Variants in TOP6BL observed in about 807,000 individuals in gnomAD.
TOP6BL encodes the protein type 2 DNA topoisomerase 6 subunit B-like.
chr11:66,744,819 G>GGGCGGC, the TOP6BL span: 147,574 of 1,221,768 alleles, frequency 0.12, 6,888 homozygotes, highest in Admixed American at 0.3. Context: ...GCTGAGGAGG[G>GGGCGGC]GGCGGCGGCG....
At chr11:66,826,669 TTTTTTTA>T in the TOP6BL span, among the ~76,000 whole-genome samples, 1 of 151,992 alleles carries the variant, frequency 6.6e-6, no homozygotes, top group East Asian at 1.9e-4. Context: ...TCACTTCTTT[TTTTTTTA>T]TTTTTTATTT....
the TOP6BL span, among the ~76,000 whole-genome samples, chr11:66,798,817 G>C: frequency 2.0e-5 from 3 of 152,070 alleles, no homozygotes; most frequent in Non-Finnish European, 4.4e-5. Context: ...GCTCACGCTT[G>C]TATCCTAGCA....
chr11:66,762,749 G>A, the TOP6BL span, among the ~76,000 whole-genome samples: 6 of 152,270 alleles, frequency 3.9e-5, no homozygotes, highest in South Asian at 6.2e-4. Flanking sequence ...GATTACAGGC[G>A]TGAGCCACCG....
chr11:66,825,726 CAAAG>C, the TOP6BL span, among the ~76,000 whole-genome samples: 1 of 152,244 alleles, frequency 6.6e-6, no homozygotes, highest in Admixed American at 6.5e-5. Context: ...AAGACAGTGT[CAAAG>C]TGCATAGCAT....
the TOP6BL span, among the ~76,000 whole-genome samples, chr11:66,810,130 T>C: frequency 6.6e-6 from 1 of 152,142 alleles, no homozygotes; most frequent in African/African-American, 2.4e-5. Flanking sequence ...CAGTGTTAGC[T>C]AGAAGAAAGT....
chr11:66,839,026 C>CGGCCAAGA, the TOP6BL span: 1 of 422,926 alleles, frequency 2.4e-6, no homozygotes, highest in African/African-American at 2.0e-5. Context: ...CCACCGCGCC[C>CGGCCAAGA]GGCCTGGCAC....
At chr11:66,822,039 C>T in the TOP6BL span, among the ~76,000 whole-genome samples, 1 of 152,182 alleles carries the variant, frequency 6.6e-6, no homozygotes, top group Non-Finnish European at 1.5e-5. Context: ...TAACACACCT[C>T]TTCCTTATGC....
At chr11:66,747,104 T>C in the TOP6BL span, among the ~76,000 whole-genome samples, 1 of 151,798 alleles carries the variant, frequency 6.6e-6, no homozygotes, top group South Asian at 2.1e-4. Flanking sequence ...ACCCGGCTAA[T>C]TTTTGTATTT....
At chr11:66,822,620 T>A in the TOP6BL span, 1 of 1,553,220 alleles carries the variant, frequency 6.4e-7, no homozygotes, top group Non-Finnish European at 8.7e-7. Flanking sequence ...TCATGAGTAT[T>A]CTGACTGGAA....
chr11:66,760,229 T>TGCTTGATCCAGTAGAACTTTTTGG, the TOP6BL span, among the ~76,000 whole-genome samples: 10 of 150,520 alleles, frequency 6.6e-5, no homozygotes, highest in South Asian at 2.1e-4. Context: ...GCAGGCAGAT[T>TGCTTGATCCAGTAGAACTTTTTGG]ACCTAGGTCA....
At chr11:66,777,237 G>A in the TOP6BL span, among the ~76,000 whole-genome samples, 1 of 151,520 alleles carries the variant, frequency 6.6e-6, no homozygotes, top group Admixed American at 6.6e-5. Context: ...TCATAAATTA[G>A]CCATTTTTCT....
chr11:66,780,901 G>C, the TOP6BL span, among the ~76,000 whole-genome samples: 1 of 152,102 alleles, frequency 6.6e-6, no homozygotes, highest in Non-Finnish European at 1.5e-5. Flanking sequence ...ATTGTTTATG[G>C]TAAGAAGTCA....
chr11:66,755,887 T>TA, the TOP6BL span, among the ~76,000 whole-genome samples: 1 of 152,182 alleles, frequency 6.6e-6, no homozygotes, highest in Non-Finnish European at 1.5e-5. Context: ...ATGGCCTTCT[T>TA]ATAAGTACAC....
chr11:66,816,248 G>C, the TOP6BL span: 5 of 1,553,520 alleles, frequency 3.2e-6, no homozygotes, highest in Non-Finnish European at 4.4e-6. Context: ...CAAATGCTAA[G>C]AGAGAGGGAA....
At chr11:66,804,166 G>A in the TOP6BL span, 21 of 1,610,886 alleles carry the variant, frequency 1.3e-5, no homozygotes, top group Non-Finnish European at 1.8e-5. Context: ...CTTCCAACCA[G>A]CTTAACAGGA....
chr11:66,821,961 C>G, the TOP6BL span, among the ~76,000 whole-genome samples: 4 of 152,162 alleles, frequency 2.6e-5, no homozygotes, highest in African/African-American at 9.7e-5. Context: ...AACCAGCTTG[C>G]TTAGTCTTAC....
chr11:66,806,841 C>G, the TOP6BL span, among the ~76,000 whole-genome samples: 2 of 152,086 alleles, frequency 1.3e-5, no homozygotes, highest in Admixed American at 1.3e-4. Context: ...CAAAAGATAC[C>G]ATAGTATCTT....
chr11:66,822,349 A>T, the TOP6BL span, among the ~76,000 whole-genome samples: 1 of 152,182 alleles, frequency 6.6e-6, no homozygotes, highest in African/African-American at 2.4e-5. Context: ...TGTGTCAGTA[A>T]GTCACCTCTG....
At chr11:66,772,223 A>ATTTGTATTTGAAATT in the TOP6BL span, among the ~76,000 whole-genome samples, 1 of 152,200 alleles carries the variant, frequency 6.6e-6, no homozygotes, top group Non-Finnish European at 1.5e-5. Flanking sequence ...GTTTCTTGCT[A>ATTTGTATTTGAAATT]GTATTTGAAA....
Sources: gnomAD v4.1 joint callset for allele counts (sites outside exome capture counted in the v4.1 genomes callset) on GRCh38, gnomAD v4.1.1 for gene constraint, MANE v1.5 for transcripts, NCBI Gene and HGNC (gene_info 2026-07-23, HGNC 2026-07-21) for gene names.